The following UNC13C variants were observed in gnomAD, a reference collection of about 807,000 sequenced individuals.
The protein encoded by UNC13C is protein unc-13 homolog C.
UNC13C carries 174 observed loss-of-function variants against 245.4 expected under a neutral mutation model. The ratio of observed to expected loss-of-function variants is 0.71; its 90% confidence interval spans 0.63 to 0.80. The LOEUF (loss-of-function observed/expected upper bound fraction) is 0.80. UNC13C is among the 30% of genes least tolerant of loss of function. The pLI is 0.00. For missense variants in UNC13C, 2,829 were observed against 2,602.9 expected (o/e 1.09, Z -1.89); for synonymous variants, 992 against 895.1 (o/e 1.11, Z -1.93).
chr15:54,296,475 C>T (rs1874480889), intron 11 of UNC13C, among the ~76,000 whole-genome samples: 3 of 151,458 alleles, frequency 2.0e-5, no homozygotes, highest in Admixed American at 2.0e-4. Context: ...GCCTCGGCCT[C>T]CCAAAATGCT....
At chr15:53,962,059 T>G in the UNC13C span, among the ~76,000 whole-genome samples, 1 of 152,208 alleles carries the variant, frequency 6.6e-6, no homozygotes, top group Non-Finnish European at 1.5e-5. Context: ...TCTATCTCCA[T>G]CAAATAGCAT....
At chr15:54,198,534 G>T (rs2034427989) in intron 4 of UNC13C, among the ~76,000 whole-genome samples, 1 of 152,140 alleles carries the variant, frequency 6.6e-6, no homozygotes, top group Non-Finnish European at 1.5e-5. Flanking sequence ...CATATCACAG[G>T]ACACTTTGCT....
the UNC13C span, among the ~76,000 whole-genome samples, chr15:53,883,987 C>G: frequency 2.0e-5 from 3 of 152,120 alleles, no homozygotes; most frequent in Admixed American, 6.5e-5. Flanking sequence ...GTTTTTCTCT[C>G]TACTATTTCC....
chr15:54,444,603 T>C (rs954542189), intron 19 of UNC13C, among the ~76,000 whole-genome samples: 3 of 151,708 alleles, frequency 2.0e-5, no homozygotes, highest in Non-Finnish European at 4.4e-5. Context: ...ATATCCTTTG[T>C]TTCACTTTTT....
At chr15:54,054,484 A>T (rs911607265) in intron 2 of UNC13C, among the ~76,000 whole-genome samples, 28 of 152,202 alleles carry the variant, frequency 1.8e-4, no homozygotes, top group African/African-American at 6.0e-4. Context: ...AAATGTTATG[A>T]ATCTAGAATT....
chr15:54,109,980 TTAAAG>T (rs1900683486), intron 2 of UNC13C, among the ~76,000 whole-genome samples: 1 of 152,050 alleles, frequency 6.6e-6, no homozygotes, highest in Admixed American at 6.6e-5. Flanking sequence ...GTCCTTCTGT[TTAAAG>T]TATAAATATT....
At chr15:54,602,795 G>A (rs1036965399) in intron 30 of UNC13C, among the ~76,000 whole-genome samples, 3 of 29,612 alleles carry the variant, frequency 1.0e-4, no homozygotes, top group Non-Finnish European at 1.7e-4. Flanking sequence ...TGCATTTCTT[G>A]ATAGTTTTTC....
At chr15:54,091,135 T>A (rs1447414128) in intron 2 of UNC13C, among the ~76,000 whole-genome samples, 1 of 152,122 alleles carries the variant, frequency 6.6e-6, no homozygotes. Flanking sequence ...GCCTTCTGGC[T>A]GACACTGAAC....
At chr15:54,568,314 A>C (rs1897605039) in intron 30 of UNC13C, among the ~76,000 whole-genome samples, 1 of 152,102 alleles carries the variant, frequency 6.6e-6, no homozygotes, top group South Asian at 2.1e-4. Context: ...GGTATCTTCC[A>C]AAAAATGATA....
rs1426767670 is a variant in UNC13C at position 54,031,632 on chromosome 15, A to G, written c.2983+15746A>G. On this transcript the variant is annotated intron_variant, in intron 2 of 32. Coordinates refer to ENST00000260323, the MANE Select transcript of UNC13C (RefSeq NM_001080534.3). ...AACCAGAGCATTAGTTGTACCAAAT[A>G]TGTAGGAAGATGCACAAGTGTATGT... is the stretch of plus-strand genomic sequence containing the variant. 7.2e-5 allele frequency among the ~76,000 whole-genome samples: 11 copies of G among 152,194 alleles called. No homozygotes were observed. In the East Asian group the frequency reaches 1.7e-3, roughly 24 times the overall value.
chr15:54,236,398 ATTTTG>A, intron 5 of UNC13C, 27 bp from the exon 6 acceptor site: 1 of 1,567,434 alleles, frequency 6.4e-7, no homozygotes, highest in Non-Finnish European at 8.7e-7. Context: ...AATTATTTAC[ATTTTG>A]TTTCCTCTCA....
rs1238333177 is a variant in UNC13C at position 54,013,793 on chromosome 15, A to G, written c.890A>G (p.Gln297Arg). The G allele has an allele frequency of 1.9e-6, 3 of 1,611,300 alleles. No individual in the cohort carries two copies. The highest frequency in any genetic ancestry group is 1.3e-5 in the African/African-American group (1 of 74,698). Residue 297 changes from glutamine to arginine, a missense_variant, in exon 2 of 33, where the codon CAG becomes CGG. Gln to Arg is a conservative substitution (Grantham distance 43). Transcript: ENST00000260323. ...GAGCAGTTGCGCACAGGGTTTGTCC[A>G]GTCTCGGAGGGAAACTAGAGACATC... ...EIEQLRTGFV[Q>R]SRRETRDIHD... is the part of the protein sequence containing the mutation.
intron 30 of UNC13C, among the ~76,000 whole-genome samples, chr15:54,587,691 G>A (rs1328653101): frequency 6.6e-6 from 1 of 152,090 alleles, no homozygotes; most frequent in East Asian, 1.9e-4. Context: ...GAAGGCAAGT[G>A]AAGGCCAGGT....
chr15:54,193,462 T>G (rs939138993), intron 4 of UNC13C, among the ~76,000 whole-genome samples: 1 of 152,118 alleles, frequency 6.6e-6, no homozygotes, highest in Non-Finnish European at 1.5e-5. Flanking sequence ...GGCAATCACC[T>G]TTTACTACTT....
At chr15:54,477,315 A>C (rs1413361780) in intron 19 of UNC13C, among the ~76,000 whole-genome samples, 1 of 89,088 alleles carries the variant, frequency 1.1e-5, no homozygotes, top group Non-Finnish European at 2.3e-5. Context: ...TCTCCTGCCT[A>C]ATTGCCCTGG....
intron 24 of UNC13C, among the ~76,000 whole-genome samples, chr15:54,518,522 T>G (rs762998483): frequency 3.3e-5 from 5 of 152,214 alleles, no homozygotes; most frequent in Non-Finnish European, 7.3e-5. Context: ...ATAAATCTAT[T>G]TCATTATCTT....
chr15:54,600,695 T>A (rs2141271343), intron 30 of UNC13C, among the ~76,000 whole-genome samples: 2 of 152,248 alleles, frequency 1.3e-5, no homozygotes, highest in East Asian at 3.9e-4. Context: ...TTATCTTTCT[T>A]ATACAAAATA....
At chr15:54,561,905 C>G (rs899182016) in intron 29 of UNC13C, among the ~76,000 whole-genome samples, 6 of 151,638 alleles carry the variant, frequency 4.0e-5, no homozygotes, top group Admixed American at 3.3e-4. Flanking sequence ...GTGACACAAG[C>G]CAGGGAGAGT....
intron 13 of UNC13C, among the ~76,000 whole-genome samples, chr15:54,317,148 A>G (rs1335362033): frequency 6.6e-6 from 1 of 151,980 alleles, no homozygotes; most frequent in African/African-American, 2.4e-5. Context: ...ATGTATTATA[A>G]TTACTATTTG....
Sources: allele counts gnomAD v4.1 joint callset (sites outside exome capture counted in the v4.1 genomes callset), GRCh38; gene constraint gnomAD v4.1.1; transcripts MANE v1.5; gene names NCBI Gene and HGNC (gene_info 2026-07-23, HGNC 2026-07-21).